MARCHF6: variants seen among roughly 807,000 people sequenced by gnomAD.
MARCHF6 encodes E3 ubiquitin-protein ligase MARCHF6.
Under a neutral mutation model 133.7 loss-of-function variants are expected in MARCHF6, and 31 were observed. The ratio of observed to expected loss-of-function variants is 0.23; its 90% CI spans 0.17 to 0.31. The LOEUF is 0.31. MARCHF6 is among the 10% of genes least tolerant of loss of function. MARCHF6 has a pLI of 1.00. For synonymous variants in MARCHF6, 395 were observed against 402.5 expected, an observed-to-expected ratio of 0.98 and a Z score of 0.22; for missense variants, 723 against 1,121.6, an observed-to-expected ratio of 0.64 and a Z score of 5.08.
At chr5:10,358,367 C>T (rs541644738) in intron 1 of MARCHF6, among the ~76,000 whole-genome samples, 13 of 152,144 alleles carry the variant, frequency 8.5e-5, no homozygotes, top group East Asian at 7.7e-4. Flanking sequence ...TTTGAGCTGA[C>T]GTGAGACATA....
chr5:10,370,882 C>CGACT (rs1424943861), intron 1 of MARCHF6, among the ~76,000 whole-genome samples: 2 of 152,090 alleles, frequency 1.3e-5, no homozygotes, highest in African/African-American at 4.8e-5. Context: ...CTCGATGGAG[C>CGACT]AGTCTACTGT....
rs186052752 is a variant in MARCHF6, at chr5:10,410,418, A to G, written c.1691+142A>G. 8.7e-5 allele frequency: 83 copies of G among 958,680 alleles called. No individual in the cohort carries two copies. In the African/African-American group the frequency reaches 1.3e-3, roughly 15 times the overall value. 59.4% of individuals were successfully genotyped at this position (958,680 alleles called of 1,614,324 possible). ...AATTTAGTAATATTTGCAATTGCATATAATACTTCTAAATGAAATTTTTTT... is the reference window on the plus strand; with the variant it reads ...AATTTAGTAATATTTGCAATTGCATGTAATACTTCTAAATGAAATTTTTTT... On this transcript the variant is annotated intron_variant, in intron 18 of 25. Transcript: ENST00000274140.
chr5:10,376,401 G>T (rs376012390), intron 1 of MARCHF6, among the ~76,000 whole-genome samples: 13 of 151,744 alleles, frequency 8.6e-5, no homozygotes, highest in African/African-American at 1.5e-4. Flanking sequence ...CTCCGAACAC[G>T]TCCGAACATC....
chr5:10,356,163 A>G (rs1035194108), intron 1 of MARCHF6, among the ~76,000 whole-genome samples: 1 of 152,008 alleles, frequency 6.6e-6, no homozygotes, highest in Non-Finnish European at 1.5e-5. Context: ...AAAATGTTCT[A>G]TTTGTGAAAT....
intron 9 of MARCHF6, among the ~76,000 whole-genome samples, chr5:10,396,387 A>T (rs1488909618): frequency 6.6e-6 from 1 of 152,212 alleles, no homozygotes; most frequent in African/African-American, 2.4e-5. Flanking sequence ...TTGAAGTATA[A>T]AATGTGTTGG....
intron 19 of MARCHF6, chr5:10,413,372 A>C (rs1005577595): frequency 6.6e-6 from 1 of 152,186 alleles, no homozygotes; most frequent in African/African-American, 2.4e-5. Context: ...AAAGCCTCAG[A>C]GTCTCCTGGG....
chr5:10,400,874 A>AT lies in MARCHF6; in HGVS notation c.972+34dup, dbSNP rs1208807941. 4 of 1,458,366 alleles carry AT rather than the reference A, an allele frequency of 2.7e-6. No individual in the cohort carries two copies. In the East Asian group the frequency reaches 9.1e-5, roughly 33 times the overall value. The allele number at this position is 1,458,366 out of a possible 1,614,324, so 90.3% of individuals were successfully genotyped here. ...ATAATACTTTTACAAAGTTACTTTC[A>AT]TTCATTACTCCCAAATGTGATTATT... is the stretch of plus-strand genomic sequence containing the variant. On this transcript the variant is annotated intron_variant, in intron 11 of 25. Coordinates refer to ENST00000274140, the MANE Select transcript of MARCHF6 (RefSeq NM_005885.4).
intron 23 of MARCHF6, among the ~76,000 whole-genome samples, chr5:10,425,423 C>T (rs1396509361): frequency 6.6e-6 from 1 of 152,122 alleles, no homozygotes; most frequent in African/African-American, 2.4e-5. Context: ...CATCATTGAT[C>T]TTCTAAATAA....
chr5:10,433,179 C>T (rs369776257), intron 25 of MARCHF6, among the ~76,000 whole-genome samples: 48 of 152,308 alleles, frequency 3.2e-4, no homozygotes, highest in African/African-American at 1.0e-3. Flanking sequence ...CGTGAGCCAC[C>T]ACGCCCAGCC....
intron 1 of MARCHF6, among the ~76,000 whole-genome samples, chr5:10,371,464 G>A (rs1736460220): frequency 6.6e-6 from 1 of 152,170 alleles, no homozygotes; most frequent in South Asian, 2.1e-4. Context: ...CATGGTGGAG[G>A]GCAAGGAGGA....
rs1231017529 is a variant in MARCHF6 at position 10,437,580 on chromosome 5, G to A, written c.*3896G>A. 1 of 152,152 alleles carries A rather than the reference G, an allele frequency of 6.6e-6. No individual in the cohort carries two copies. The highest frequency in any genetic ancestry group is 1.5e-5 in the Non-Finnish European group (1 of 68,034). 9.4% of individuals were successfully genotyped at this position (152,152 alleles called of 1,614,324 possible). ...ACAGTATATGTATGTTTTCATTCCT[G>A]TTTTGTACGAGTGCCTCATTTTGTA... On this transcript the variant is annotated 3_prime_UTR_variant, in exon 26 of 26. Transcript: ENST00000274140.
At chr5:10,407,040 GCCTGTCT>G in intron 16 of MARCHF6, 55 bp from the exon 17 acceptor site, 2 of 897,704 alleles carry the variant, frequency 2.2e-6, no homozygotes, top group Non-Finnish European at 1.8e-6. Flanking sequence ...TCAGAAGTCT[GCCTGTCT>G]TGCACAGGAG....
chr5:10,385,964 T>G (rs1051748052), intron 4 of MARCHF6, among the ~76,000 whole-genome samples: 4 of 152,190 alleles, frequency 2.6e-5, no homozygotes, highest in African/African-American at 9.6e-5. Context: ...ATTCTGTAAC[T>G]TTTCTCTAGC....
At chr5:10,394,962 G>A (rs1486267114) in intron 9 of MARCHF6, among the ~76,000 whole-genome samples, 177 bp downstream of exon 9, 2 of 151,998 alleles carry the variant, frequency 1.3e-5, no homozygotes, top group African/African-American at 4.8e-5. Context: ...ACCATGCCCG[G>A]CTAATTTTTT....
chr5:10,362,288 A>G (rs138642975), intron 1 of MARCHF6, among the ~76,000 whole-genome samples: 33 of 152,322 alleles, frequency 2.2e-4, no homozygotes, highest in African/African-American at 7.5e-4. Flanking sequence ...CTACGTATCT[A>G]GGACCTGTGC....
At chr5:10,363,831 G>A (rs1735967943) in intron 1 of MARCHF6, among the ~76,000 whole-genome samples, 1 of 152,090 alleles carries the variant, frequency 6.6e-6, no homozygotes, top group South Asian at 2.1e-4. Context: ...TAAACATTAG[G>A]ATAAGTGAAA....
chr5:10,381,946 G>A lies in MARCHF6; in HGVS notation c.334+3G>A. The stretch of plus-strand genomic sequence containing the variant: ...GGGAGTTGTTCCTCTTACAGCATGT[G>A]AGTATTCATGCCTCTGATTGGAGTT... On this transcript the variant is annotated splice_donor_region_variant and intron_variant, in intron 4 of 25. Transcript: ENST00000274140. 1 of 1,611,676 alleles carries A rather than the reference G, an allele frequency of 6.2e-7. No individual in the cohort carries two copies. Among genetic ancestry groups the A allele is most frequent in the South Asian group, 1.1e-5 (1 of 90,610 alleles).
chr5:10,424,023 C>G (rs1486270058), intron 23 of MARCHF6, among the ~76,000 whole-genome samples, 199 bp downstream of exon 23: 2 of 149,738 alleles, frequency 1.3e-5, no homozygotes, highest in Non-Finnish European at 3.0e-5. Flanking sequence ...AATTTGTTCT[C>G]AACCCTTGTT....
intron 1 of MARCHF6, among the ~76,000 whole-genome samples, chr5:10,356,283 A>T (rs938978270): frequency 1.1e-4 from 16 of 150,914 alleles, no homozygotes; most frequent in African/African-American, 1.7e-4. Flanking sequence ...AAACTAAATT[A>T]AAAAAAAATC....
Sources: gnomAD v4.1 joint callset for allele counts (sites outside exome capture counted in the v4.1 genomes callset) on GRCh38, gnomAD v4.1.1 for gene constraint, MANE v1.5 for transcripts, NCBI Gene and HGNC (gene_info 2026-07-23, HGNC 2026-07-21) for gene names.